PHF21A: variants seen among roughly 807,000 people sequenced by gnomAD.
PHF21A encodes BHC80a.
PHF21A carries 11 observed loss-of-function variants against 82.5 expected under a neutral mutation model. That is an observed-to-expected ratio of 0.13 (90% CI 0.08 to 0.22). The LOEUF is 0.22. PHF21A is among the 10% of genes least tolerant of loss of function. The pLI, the probability that PHF21A is intolerant of heterozygous loss-of-function variation, is 1.00. For synonymous variants in PHF21A, 297 were observed against 302.8 expected, an observed-to-expected ratio of 0.98 and a Z score of 0.20; for missense variants, 579 against 837.8, an observed-to-expected ratio of 0.69 and a Z score of 3.81.
At position 46,084,232 on chromosome 11, in the gene PHF21A, C is replaced by A. The variant is rs2096828794; in HGVS notation, c.-13G>T. 6.9e-6 allele frequency: 11 copies of A among 1,592,156 alleles called. No individual in the cohort carries two copies. The highest frequency in any genetic ancestry group is 9.4e-6 in the Non-Finnish European group (11 of 1,172,066). On this transcript the variant is annotated 5_prime_UTR_variant, in exon 4 of 19. Coordinates refer to ENST00000676320, the MANE Select transcript of PHF21A (RefSeq NM_001352027.3). ...TCTGCAACTCCATCCTCTACCTTCT[C>A]CACTTTCTCTGCTAATTCTATAGTT...
intron 6 of PHF21A, among the ~76,000 whole-genome samples, chr11:46,014,943 G>A (rs1408986078): frequency 9.8e-6 from 1 of 102,448 alleles, no homozygotes; most frequent in Non-Finnish European, 1.8e-5. Flanking sequence ...TCCCGCCACT[G>A]CACTCCAGCC....
chr11:46,092,835 G>A (rs1195134377), intron 1 of PHF21A, among the ~76,000 whole-genome samples: 1 of 145,150 alleles, frequency 6.9e-6, no homozygotes, highest in Non-Finnish European at 1.5e-5. Flanking sequence ...ACAGCTCACT[G>A]CAGCCTCAAC....
intron 1 of PHF21A, among the ~76,000 whole-genome samples, chr11:46,113,381 A>AT (rs1294535721): frequency 6.6e-6 from 1 of 152,196 alleles, no homozygotes; most frequent in African/African-American, 2.4e-5. Flanking sequence ...TTAGACCAAC[A>AT]TTTTCACATT....
chr11:45,973,038 A>G (rs2093851216), intron 7 of PHF21A, among the ~76,000 whole-genome samples: 1 of 152,242 alleles, frequency 6.6e-6, no homozygotes, highest in South Asian at 2.1e-4. Context: ...AGATCACACC[A>G]TTGCACTCCA....
At chr11:45,951,061 C>T (rs1281567193) in intron 11 of PHF21A, among the ~76,000 whole-genome samples, 1 of 152,168 alleles carries the variant, frequency 6.6e-6, no homozygotes, top group Non-Finnish European at 1.5e-5. Flanking sequence ...GAAGATGGAA[C>T]GTTAAGACTC....
intron 7 of PHF21A, among the ~76,000 whole-genome samples, chr11:45,975,440 T>C (rs1252635476): frequency 6.6e-6 from 1 of 151,934 alleles, no homozygotes; most frequent in African/African-American, 2.4e-5. Context: ...TTTAAGGGAT[T>C]ATTACTATGG....
At chr11:46,071,546 T>C (rs536617376) in intron 6 of PHF21A, among the ~76,000 whole-genome samples, 1 of 152,314 alleles carries the variant, frequency 6.6e-6, no homozygotes, top group East Asian at 1.9e-4. Flanking sequence ...TTTGACCAGT[T>C]AGGTATAAGT....
intron 11 of PHF21A, among the ~76,000 whole-genome samples, chr11:45,953,058 G>A (rs1453216719): frequency 6.6e-6 from 1 of 152,078 alleles, no homozygotes; most frequent in African/African-American, 2.4e-5. Flanking sequence ...ATTCATTTGG[G>A]GTTTGGGGTT....
At chr11:45,983,014 A>G (rs935919891) in intron 6 of PHF21A, among the ~76,000 whole-genome samples, 3 of 152,218 alleles carry the variant, frequency 2.0e-5, no homozygotes, top group Admixed American at 6.5e-5. Flanking sequence ...ACTAGAAGCA[A>G]GAAACAAAGC....
In PHF21A at chr11:45,971,890, C is replaced by CTT. The variant is rs377734291; in HGVS notation, c.361-525_361-524dup. ...GTAAAAGGACAGTGTCTTTTTCTTTCTTTTTTTTTTTTTTTATGGTGTCAC... is the reference window on the plus strand; with the variant it reads ...GTAAAAGGACAGTGTCTTTTTCTTTCTTTTTTTTTTTTTTTTTATGGTGTCAC... On this transcript the variant is annotated intron_variant, in intron 7 of 18. Transcript: ENST00000676320. Among the ~76,000 whole-genome samples the CTT allele has an allele frequency of 3.8e-3, 193 of 50,300 alleles. 9 individuals carry two copies. The highest frequency in any genetic ancestry group is 0.011 in the African/African-American group (169 of 15,892). The allele number at this position is 50,300 out of a possible 152,430, so 33.0% of individuals were successfully genotyped here.
At chr11:45,953,777 T>C (rs755846719) in intron 10 of PHF21A, 152 bp from the exon 11 acceptor site, 33 of 591,174 alleles carry the variant, frequency 5.6e-5, no homozygotes, top group Admixed American at 2.9e-4. Context: ...ATAGATTTCA[T>C]TGGGGGAGGG....
chr11:46,037,025 T>C (rs986314880), intron 6 of PHF21A, among the ~76,000 whole-genome samples: 1 of 152,180 alleles, frequency 6.6e-6, no homozygotes, highest in African/African-American at 2.4e-5. Context: ...TTTTTCATTT[T>C]CTTGCCCTAT....
In PHF21A at chr11:45,931,856, GAGA is replaced by G. The variant is rs1216084155; in HGVS notation, c.*2109_*2111del. 6.6e-6 allele frequency: 1 copy of G among 152,302 alleles called. No individual in the cohort carries two copies. The highest frequency in any genetic ancestry group is 1.5e-5 in the Non-Finnish European group (1 of 68,072). 9.4% of individuals were successfully genotyped at this position (152,302 alleles called of 1,614,324 possible). ...ATTTACTTCTGACAAGGCAAGATGA[GAGA>G]ATGGTCTGAGTCTTTCACAACCCTG... On this transcript the variant is annotated 3_prime_UTR_variant, in exon 19 of 19. Transcript: ENST00000676320.
rs572853591 is a variant in PHF21A, at chr11:45,955,828, G to A, written c.997-2203C>T. ...ATGGAGAGGCCCAGGTGTGAGGAAC[G>A]GAACCTCCAGCCAACAGCCAGTGAA... On this transcript the variant is annotated intron_variant, in intron 10 of 18. Transcript: ENST00000676320. Among the ~76,000 whole-genome samples, 8 of 152,236 alleles carry A rather than the reference G, an allele frequency of 5.3e-5. No individual in the cohort carries two copies. In the East Asian group the frequency reaches 5.8e-4, roughly 11 times the overall value.
chr11:46,092,453 C>T (rs1184005955), intron 1 of PHF21A, among the ~76,000 whole-genome samples: 2 of 152,156 alleles, frequency 1.3e-5, no homozygotes, highest in African/African-American at 4.8e-5. Context: ...TTTTTCAAGA[C>T]AAGCAAAAGT....
intron 6 of PHF21A, among the ~76,000 whole-genome samples, chr11:46,020,861 G>C (rs2095614268): frequency 6.6e-6 from 1 of 152,192 alleles, no homozygotes; most frequent in Non-Finnish European, 1.5e-5. Context: ...TATGCATTCA[G>C]TAAGCTTCTC....
chr11:45,969,073 C>T (rs1423444947), intron 9 of PHF21A, among the ~76,000 whole-genome samples: 2 of 152,106 alleles, frequency 1.3e-5, no homozygotes, highest in Non-Finnish European at 2.9e-5. Context: ...CATCCTTCTC[C>T]CCAGAGGCTA....
At chr11:46,094,994 T>A (rs1399449767) in intron 1 of PHF21A, among the ~76,000 whole-genome samples, 1 of 152,176 alleles carries the variant, frequency 6.6e-6, no homozygotes, top group African/African-American at 2.4e-5. Context: ...TATGCTAAAT[T>A]CTATACATAT....
intron 3 of PHF21A, among the ~76,000 whole-genome samples, chr11:46,088,435 C>CAAA (rs1555182113): frequency 1.3e-5 from 2 of 152,022 alleles, no homozygotes; most frequent in Admixed American, 6.5e-5. Context: ...ACAACAACAA[C>CAAA]AAAACATAAA....
Sources: gnomAD v4.1 joint callset for allele counts (sites outside exome capture counted in the v4.1 genomes callset) on GRCh38, gnomAD v4.1.1 for gene constraint, MANE v1.5 for transcripts, NCBI Gene and HGNC (gene_info 2026-07-23, HGNC 2026-07-21) for gene names.